The following SHISA9 variants were observed in gnomAD, a reference collection of about 807,000 sequenced individuals.
SHISA9 encodes shisa family member 9.
A neutral mutation model predicts 38.0 loss-of-function variants in SHISA9; 13 were observed. That is an observed-to-expected ratio of 0.34 (90% CI 0.22 to 0.54). The LOEUF (loss-of-function observed/expected upper bound fraction) is 0.54, where lower values mean the gene tolerates loss of function less well. Among genes scored for constraint, SHISA9 ranks in the 20% least tolerant of loss-of-function variants. The pLI is 0.91. For missense variants in SHISA9, 538 were observed against 575.8 expected (o/e 0.93, Z 0.67); for synonymous variants, 275 against 242.0 (o/e 1.14, Z -1.27).
intron 2 of SHISA9, among the ~76,000 whole-genome samples, chr16:12,942,986 T>A (rs2071631444): frequency 6.6e-6 from 1 of 152,120 alleles, no homozygotes; most frequent in Non-Finnish European, 1.5e-5. Flanking sequence ...ACAGGCTCTT[T>A]CCCTGTGGTG....
chr16:13,140,477 A>T (rs2050392670), intron 2 of SHISA9, among the ~76,000 whole-genome samples: 1 of 152,056 alleles, frequency 6.6e-6, no homozygotes, highest in Non-Finnish European at 1.5e-5. Flanking sequence ...GCACCTGGCC[A>T]ATGGTACTCC....
Position 13,098,710 on chromosome 16 carries a change from A to G in SHISA9, c.692-104684A>G, listed in dbSNP as rs2141955100. Among the ~76,000 whole-genome samples the G allele has an allele frequency of 3.3e-5, 5 of 152,198 alleles. No individual in the cohort carries two copies. The Middle Eastern group carries it at 0.014, about 414-fold the overall frequency. ...AAGGAGCAACTGCAGGCTCCCATCCACTCTGTGCATGTGGCTGTTGCTGCC... is the reference window on the plus strand; with the variant it reads ...AAGGAGCAACTGCAGGCTCCCATCCGCTCTGTGCATGTGGCTGTTGCTGCC... On this transcript the variant is annotated intron_variant, in intron 2 of 4. Transcript: ENST00000558583.
At chr16:13,193,243 A>G (rs116435034) in intron 2 of SHISA9, among the ~76,000 whole-genome samples, 262 of 152,300 alleles carry the variant, frequency 1.7e-3, no homozygotes, top group African/African-American at 6.0e-3. Flanking sequence ...GGCTTTGGGC[A>G]CTCAACCTCT....
chr16:13,489,099 T>C, the SHISA9 span, among the ~76,000 whole-genome samples: 44 of 151,868 alleles, frequency 2.9e-4, no homozygotes, highest in African/African-American at 9.4e-4. Context: ...TAGGCTGGAG[T>C]ATAATGGCAC....
At chr16:13,229,652 C>G (rs112185461) in intron 4 of SHISA9, among the ~76,000 whole-genome samples, 1,972 of 152,300 alleles carry the variant, frequency 0.013, 20 homozygotes, top group Non-Finnish European at 0.02. Context: ...TTTCCATGTA[C>G]TGCCAGGACT....
At chr16:13,294,522 A>C in the SHISA9 span, among the ~76,000 whole-genome samples, 4 of 152,226 alleles carry the variant, frequency 2.6e-5, no homozygotes, top group Non-Finnish European at 4.4e-5. Flanking sequence ...AAACCAGTGC[A>C]TCAATTCTGC....
chr16:13,230,338 G>T (rs775661963), intron 4 of SHISA9, among the ~76,000 whole-genome samples: 1 of 152,096 alleles, frequency 6.6e-6, no homozygotes, highest in Non-Finnish European at 1.5e-5. Flanking sequence ...AACAAGGCAA[G>T]GAGGCCAGTT....
rs576412545 is a variant in SHISA9, at chr16:12,953,239, C to A, written c.691+36424C>A. 1.2e-4 allele frequency among the ~76,000 whole-genome samples: 18 copies of A among 146,742 alleles called. 1 individual carries two copies. The highest frequency in any genetic ancestry group is 5.9e-4 in the East Asian group (3 of 5,064). On this transcript the variant is annotated intron_variant, in intron 2 of 4. Transcript: ENST00000558583. ...ACAACAACAACAACAACAACAACAA[C>A]AAAAAACAGCCAAAGCTTATAAAGG...
At chr16:13,387,448 TG>T in the SHISA9 span, among the ~76,000 whole-genome samples, 6 of 151,190 alleles carry the variant, frequency 4.0e-5, no homozygotes, top group South Asian at 6.3e-4. Context: ...CTACAGCTAC[TG>T]GAAGCTGAAA....
At chr16:13,315,357 C>T in the SHISA9 span, among the ~76,000 whole-genome samples, 15 of 152,218 alleles carry the variant, frequency 9.9e-5, no homozygotes, top group African/African-American at 3.4e-4. Context: ...TAGTGTGTGG[C>T]ACATGACAGG....
At chr16:13,091,356 G>A (rs2073772981) in intron 2 of SHISA9, among the ~76,000 whole-genome samples, 1 of 152,152 alleles carries the variant, frequency 6.6e-6, no homozygotes, top group Non-Finnish European at 1.5e-5. Context: ...GCCTTGCTAG[G>A]TTGGGGGAGT....
At chr16:12,945,061 T>C (rs2071671072) in intron 2 of SHISA9, among the ~76,000 whole-genome samples, 1 of 152,160 alleles carries the variant, frequency 6.6e-6, no homozygotes, top group East Asian at 1.9e-4. Context: ...AAATTCTAGC[T>C]CAACATTGCT....
At chr16:13,184,539 C>A (rs547648675) in intron 2 of SHISA9, among the ~76,000 whole-genome samples, 16 of 152,242 alleles carry the variant, frequency 1.1e-4, no homozygotes, top group African/African-American at 3.9e-4. Context: ...TTGACAAATG[C>A]GTAGAGTGCT....
intron 2 of SHISA9, among the ~76,000 whole-genome samples, chr16:13,138,318 A>G (rs2050368315): frequency 6.6e-6 from 1 of 152,174 alleles, no homozygotes; most frequent in South Asian, 2.1e-4. Context: ...ATGGTCCAGG[A>G]ACTCTTCTTT....
the SHISA9 span, among the ~76,000 whole-genome samples, chr16:13,511,287 A>T: frequency 6.6e-6 from 1 of 152,212 alleles, no homozygotes; most frequent in Non-Finnish European, 1.5e-5. Context: ...TATTCAAAAC[A>T]TTATTTCAAA....
At chr16:13,075,495 G>A (rs921655686) in intron 2 of SHISA9, among the ~76,000 whole-genome samples, 12 of 152,070 alleles carry the variant, frequency 7.9e-5, no homozygotes, top group African/African-American at 1.7e-4. Context: ...ACAGGAAGAC[G>A]GGAAGACGCA....
At chr16:12,932,931 G>GC (rs987058746) in intron 2 of SHISA9, among the ~76,000 whole-genome samples, 3 of 152,084 alleles carry the variant, frequency 2.0e-5, no homozygotes, top group African/African-American at 7.2e-5. Context: ...GTGCTCGTGT[G>GC]CCATCTATTT....
At chr16:12,909,571 C>G (rs1168692410) in intron 1 of SHISA9, 2 of 985,232 alleles carry the variant, frequency 2.0e-6, no homozygotes, top group African/African-American at 1.7e-5. Context: ...ATAAGCTAAG[C>G]TCATTCCCAT....
chr16:12,931,039 C>G (rs2071455248), intron 2 of SHISA9, among the ~76,000 whole-genome samples: 1 of 152,146 alleles, frequency 6.6e-6, no homozygotes, highest in African/African-American at 2.4e-5. Flanking sequence ...GGAGCAAAAT[C>G]AGGTCAAGCT....
Sources: gnomAD v4.1 joint callset for allele counts (sites outside exome capture counted in the v4.1 genomes callset) on GRCh38, gnomAD v4.1.1 for gene constraint, MANE v1.5 for transcripts, NCBI Gene and HGNC (gene_info 2026-07-23, HGNC 2026-07-21) for gene names.